FCHSD2: variants seen among roughly 807,000 people sequenced by gnomAD.
The protein encoded by FCHSD2 is F-BAR and double SH3 domains protein 2.
FCHSD2 carries 38 observed loss-of-function variants against 108.1 expected under a neutral mutation model. The ratio of observed to expected loss-of-function variants is 0.35; its 90% confidence interval spans 0.27 to 0.46. FCHSD2 has a LOEUF of 0.46. FCHSD2 is among the 20% of genes least tolerant of loss of function. The pLI, the probability that FCHSD2 is intolerant of heterozygous loss-of-function variation, is 1.00. For missense variants in FCHSD2, 751 were observed against 897.8 expected (o/e 0.84, Z 2.09); for synonymous variants, 279 against 314.7 (o/e 0.89, Z 1.20).
chr11:73,019,812 A>C (rs1858058441), intron 3 of FCHSD2, among the ~76,000 whole-genome samples: 1 of 152,206 alleles, frequency 6.6e-6, no homozygotes, highest in Non-Finnish European at 1.5e-5. Context: ...CTTTATATTT[A>C]AAGCTACATT....
At chr11:72,997,425 C>T (rs952071722) in intron 5 of FCHSD2, among the ~76,000 whole-genome samples, 4 of 152,074 alleles carry the variant, frequency 2.6e-5, no homozygotes, top group Admixed American at 2.6e-4. Context: ...TAACATCTTC[C>T]CAGAGCCTCT....
chr11:72,902,580 G>A lies in FCHSD2; in HGVS notation c.887C>T (p.Pro296Leu). The A allele has an allele frequency of 1.3e-6, 2 of 1,589,622 alleles. No homozygotes were observed. The highest frequency in any genetic ancestry group is 1.7e-6 in the Non-Finnish European group (2 of 1,167,258). The change falls in exon 10 of 20, where the codon CCC (proline) becomes CTC (leucine). Residue 296 changes from proline (P) to leucine (L), a missense_variant. Coordinates refer to ENST00000409418, the MANE Select transcript of FCHSD2 (RefSeq NM_014824.3). ...FLQENAVFHK[P>L]QPFQFQPCDS... ...ACAAGGCTGGAACTGGAAGGGCTGG[G>A]GTTTGTGAAATACAGCGTTTTCTTG... is the stretch of plus-strand genomic sequence containing the variant.
intron 4 of FCHSD2, among the ~76,000 whole-genome samples, chr11:73,004,799 G>A (rs1857705446): frequency 6.6e-6 from 1 of 152,138 alleles, no homozygotes; most frequent in Non-Finnish European, 1.5e-5. Context: ...GTGCTACCCA[G>A]CAAGGGTACT....
rs1856955948 is a variant in FCHSD2 at position 72,968,620 on chromosome 11, T to C, written c.705+15468A>G. Reference sequence around the variant, plus strand: ...GATGATAAATTACAATATCCATAAATGGGGGGTTATTCTGATTTCCAAAAT... The same window carrying C: ...GATGATAAATTACAATATCCATAAACGGGGGGTTATTCTGATTTCCAAAAT... On this transcript the variant is annotated intron_variant, in intron 8 of 19. Transcript: ENST00000409418. Among the ~76,000 whole-genome samples, 2 of 152,176 alleles carry C rather than the reference T, an allele frequency of 1.3e-5. 1 individual carries two copies.
chr11:73,007,714 A>G (rs1857771461), intron 4 of FCHSD2, among the ~76,000 whole-genome samples: 1 of 152,258 alleles, frequency 6.6e-6, no homozygotes, highest in South Asian at 2.1e-4. Flanking sequence ...ACACAAAGCT[A>G]CAAATGTGGT....
chr11:73,090,374 C>T (rs1157414848), intron 2 of FCHSD2, among the ~76,000 whole-genome samples: 21 of 151,744 alleles, frequency 1.4e-4, no homozygotes, highest in Non-Finnish European at 2.5e-4. Context: ...TACAGACGCC[C>T]GCCACTACGC....
Position 73,010,650 on chromosome 11 carries a change from T to G in FCHSD2, c.242+5159A>C, listed in dbSNP as rs542087817. On this transcript the variant is annotated intron_variant, in intron 4 of 19. Coordinates refer to ENST00000409418, the MANE Select transcript of FCHSD2 (RefSeq NM_014824.3). Reference sequence around the variant, plus strand: ...GGTATCTGTACGATTTCTTTGGCTATGAACAGTGTCAGTGGTGTTTGTAAT... The same window carrying G: ...GGTATCTGTACGATTTCTTTGGCTAGGAACAGTGTCAGTGGTGTTTGTAAT... Among the ~76,000 whole-genome samples the G allele has an allele frequency of 3.9e-5, 6 of 152,346 alleles. No individual in the cohort carries two copies. In the East Asian group the frequency reaches 1.2e-3, roughly 29 times the overall value.
intron 8 of FCHSD2, among the ~76,000 whole-genome samples, chr11:72,975,430 C>T (rs1857086509): frequency 6.6e-6 from 1 of 152,072 alleles, no homozygotes; most frequent in South Asian, 2.1e-4. Context: ...GGAATACATT[C>T]TACTGTTTAA....
At chr11:72,922,805 T>G (rs1402620176) in intron 8 of FCHSD2, among the ~76,000 whole-genome samples, 2 of 152,182 alleles carry the variant, frequency 1.3e-5, no homozygotes, top group Non-Finnish European at 2.9e-5. Flanking sequence ...CCAATATAAG[T>G]CACCATTTTA....
intron 12 of FCHSD2, chr11:72,869,556 T>C (rs2135208208): frequency 6.6e-6 from 1 of 151,696 alleles, no homozygotes; most frequent in East Asian, 1.9e-4. Flanking sequence ...AAGTATGGAA[T>C]GCTTCACGAA....
intron 12 of FCHSD2, among the ~76,000 whole-genome samples, chr11:72,878,907 G>T (rs1019196110): frequency 9.9e-5 from 15 of 152,024 alleles, no homozygotes; most frequent in Admixed American, 3.9e-4. Flanking sequence ...AGGAGTTCGA[G>T]ACCAGCCTGG....
intron 8 of FCHSD2, among the ~76,000 whole-genome samples, chr11:72,945,513 C>G (rs548707383): frequency 3.9e-5 from 6 of 152,152 alleles, no homozygotes; most frequent in African/African-American, 9.6e-5. Flanking sequence ...TCTAAAACAC[C>G]AAAAGCAATG....
At position 72,867,919 on chromosome 11, in the gene FCHSD2, T is replaced by C. The variant is rs1430232244; in HGVS notation, c.1254A>G (p.Glu418=). 2 of 1,610,758 alleles carry C rather than the reference T, an allele frequency of 1.2e-6. No homozygotes were observed. The highest frequency in any genetic ancestry group is 3.4e-5 in the Admixed American group (2 of 59,454). The change falls in exon 13 of 20, where the codon GAA becomes GAG. Residue 418 remains glutamate, a synonymous_variant. Coordinates refer to ENST00000409418, the MANE Select transcript of FCHSD2 (RefSeq NM_014824.3). ...CAGGAGGGCGGGCCCATCGCTCATT[T>C]TCCAGTTCTTCCATTACTTGGTTCA... ...SAMNQVMEEL[E]NERWARPPAV... is the part of the protein sequence containing the mutation.
chr11:73,083,769 A>G (rs1403013797), intron 2 of FCHSD2, 29 bp from the exon 3 acceptor site: 3 of 1,380,062 alleles, frequency 2.2e-6, no homozygotes, highest in Admixed American at 3.9e-5. Context: ...ATTAATTACC[A>G]GAAGGATAAC....
At chr11:73,090,089 A>G (rs1041498001) in intron 2 of FCHSD2, among the ~76,000 whole-genome samples, 1 of 152,194 alleles carries the variant, frequency 6.6e-6, no homozygotes, top group Non-Finnish European at 1.5e-5. Flanking sequence ...ATGAATTATC[A>G]GTAAATTGTG....
At chr11:72,940,617 C>T in intron 8 of FCHSD2, 1 of 1,444,096 alleles carries the variant, frequency 6.9e-7, no homozygotes, top group Non-Finnish European at 9.7e-7. Flanking sequence ...ACAGGGCTCC[C>T]CGCCCCACCC....
chr11:73,122,751 G>A (rs1240464508), intron 2 of FCHSD2, among the ~76,000 whole-genome samples: 1 of 152,140 alleles, frequency 6.6e-6, no homozygotes, highest in Non-Finnish European at 1.5e-5. Flanking sequence ...GTCTCTATTG[G>A]ACTCTGTGAA....
intron 8 of FCHSD2, among the ~76,000 whole-genome samples, chr11:72,954,444 G>A (rs751709040): frequency 4.6e-5 from 7 of 151,856 alleles, no homozygotes; most frequent in Admixed American, 1.3e-4. Context: ...GGGCTCAAGC[G>A]ATCCTTCCCC....
chr11:73,096,986 GATTTT>G (rs1860095619), intron 2 of FCHSD2, among the ~76,000 whole-genome samples: 1 of 19,498 alleles, frequency 5.1e-5, no homozygotes, highest in Non-Finnish European at 8.4e-5. Flanking sequence ...TTCATTGATG[GATTTT>G]TTTTTTTTTT....
Sources: gnomAD v4.1 joint callset for allele counts (sites outside exome capture counted in the v4.1 genomes callset) on GRCh38, gnomAD v4.1.1 for gene constraint, MANE v1.5 for transcripts, NCBI Gene and HGNC (gene_info 2026-07-23, HGNC 2026-07-21) for gene names.